The following CHST8 variants were observed in gnomAD, a reference collection of about 807,000 sequenced individuals.
The protein encoded by CHST8 is carbohydrate sulfotransferase 8.
In CHST8, 10 loss-of-function variants were observed where a neutral mutation model predicts 15.0. The observed-to-expected ratio is 0.67, with a 90% CI of 0.41 to 1.13. The LOEUF is 1.13. CHST8 is among the 50% of genes most tolerant of loss of function. The pLI is 0.00. For synonymous variants in CHST8, 259 were observed against 256.6 expected, an observed-to-expected ratio of 1.01 and a Z score of -0.09; for missense variants, 634 against 608.2, an observed-to-expected ratio of 1.04 and a Z score of -0.45.
chr19:33,749,624 TG>T (rs1974376854), intron 3 of CHST8, among the ~76,000 whole-genome samples: 1 of 151,932 alleles, frequency 6.6e-6, no homozygotes, highest in African/African-American at 2.4e-5. Context: ...TCTAAGTCCC[TG>T]GGTGGTCACT....
At chr19:33,746,185 T>C (rs1489578916) in intron 3 of CHST8, among the ~76,000 whole-genome samples, 1 of 152,232 alleles carries the variant, frequency 6.6e-6, no homozygotes, top group African/African-American at 2.4e-5. Context: ...CATGGCACTT[T>C]AGAGTTCTAA....
chr19:33,625,891 G>A (rs1312252297), intron 1 of CHST8, among the ~76,000 whole-genome samples: 1 of 152,100 alleles, frequency 6.6e-6, no homozygotes, highest in African/African-American at 2.4e-5. Flanking sequence ...ATTGAGGTTG[G>A]TGCCTGGATG....
intron 1 of CHST8, among the ~76,000 whole-genome samples, chr19:33,659,151 C>T (rs1385644150): frequency 6.7e-6 from 1 of 149,830 alleles, no homozygotes; most frequent in Non-Finnish European, 1.5e-5. Context: ...CTGTAGCCTC[C>T]GCCTCCCGGG....
At chr19:33,706,243 C>T (rs1223201058) in intron 3 of CHST8, among the ~76,000 whole-genome samples, 8 of 152,174 alleles carry the variant, frequency 5.3e-5, no homozygotes, top group Non-Finnish European at 1.2e-4. Context: ...CGGCACTGCC[C>T]TTCAGACTGT....
chr19:33,650,241 C>T (rs574532007), intron 1 of CHST8, among the ~76,000 whole-genome samples: 1 of 152,034 alleles, frequency 6.6e-6, no homozygotes, highest in Non-Finnish European at 1.5e-5. Context: ...TGGCCAGGAA[C>T]CCAGTTTTTA....
intron 1 of CHST8, among the ~76,000 whole-genome samples, chr19:33,630,045 C>T (rs1248340812): frequency 9.6e-6 from 1 of 104,014 alleles, no homozygotes; most frequent in Non-Finnish European, 2.3e-5. Context: ...TCCCCACCTT[C>T]GAGGCTGCCT....
At chr19:33,679,094 A>G (rs1972850595) in intron 2 of CHST8, among the ~76,000 whole-genome samples, 1 of 152,186 alleles carries the variant, frequency 6.6e-6, no homozygotes, top group African/African-American at 2.4e-5. Context: ...CTCTCCTCAG[A>G]AGTCTATGGA....
chr19:33,764,154 C>T (rs1348550617), intron 3 of CHST8, among the ~76,000 whole-genome samples: 4 of 152,254 alleles, frequency 2.6e-5, no homozygotes, highest in Non-Finnish European at 4.4e-5. Context: ...GGCCAGCTCT[C>T]AGTCCAGAAA....
chr19:33,768,865 T>C (rs918875317), intron 3 of CHST8, among the ~76,000 whole-genome samples: 5 of 152,218 alleles, frequency 3.3e-5, no homozygotes, highest in African/African-American at 1.2e-4. Flanking sequence ...CAGGCTCTAC[T>C]TAAGATGTTA....
intron 1 of CHST8, among the ~76,000 whole-genome samples, chr19:33,642,418 A>C (rs889381039): frequency 2.0e-5 from 3 of 151,706 alleles, no homozygotes; most frequent in African/African-American, 7.3e-5. Flanking sequence ...GCTGGAGCGC[A>C]GTGGCACGAT....
chr19:33,625,821 C>A (rs1972045153), intron 1 of CHST8, among the ~76,000 whole-genome samples: 1 of 152,154 alleles, frequency 6.6e-6, no homozygotes, highest in Admixed American at 6.5e-5. Context: ...GAGATCATGC[C>A]CCTGCACTCC....
At chr19:33,657,293 G>A (rs1972522994) in intron 1 of CHST8, among the ~76,000 whole-genome samples, 2 of 147,300 alleles carry the variant, frequency 1.4e-5, no homozygotes, top group South Asian at 4.3e-4. Context: ...TTTTGAGATG[G>A]ACTCTTGCTC....
At chr19:33,680,453 A>G (rs1013861217) in intron 2 of CHST8, among the ~76,000 whole-genome samples, 5 of 152,320 alleles carry the variant, frequency 3.3e-5, no homozygotes, top group African/African-American at 4.8e-5. Flanking sequence ...TTCAGAGCCA[A>G]TTCTTGTCCC....
chr19:33,691,389 C>A (rs982504123), intron 3 of CHST8, among the ~76,000 whole-genome samples: 1 of 152,208 alleles, frequency 6.6e-6, no homozygotes, highest in Non-Finnish European at 1.5e-5. Context: ...GCAGACTTGA[C>A]GGTCTGGGTA....
intron 2 of CHST8, among the ~76,000 whole-genome samples, chr19:33,671,388 T>G (rs948628252): frequency 6.6e-6 from 1 of 152,186 alleles, no homozygotes; most frequent in Non-Finnish European, 1.5e-5. Flanking sequence ...CCAACCTGTT[T>G]CTGCCTGGCC....
At chr19:33,686,840 T>G (rs1972988972) in intron 2 of CHST8, among the ~76,000 whole-genome samples, 2 of 152,218 alleles carry the variant, frequency 1.3e-5, no homozygotes, top group African/African-American at 4.8e-5. Flanking sequence ...CTGGCCGGCA[T>G]GCACCCGGGC....
chr19:33,698,950 G>A (rs1306624408), intron 3 of CHST8, among the ~76,000 whole-genome samples: 2 of 152,180 alleles, frequency 1.3e-5, no homozygotes, highest in Admixed American at 1.3e-4. Flanking sequence ...AGGGCTATGG[G>A]AGAGCCTTGC....
intron 3 of CHST8, among the ~76,000 whole-genome samples, chr19:33,761,283 G>A (rs969159944): frequency 1.3e-5 from 2 of 152,184 alleles, no homozygotes; most frequent in South Asian, 2.1e-4. Flanking sequence ...CAGGAGGATC[G>A]CTTGAGGCCA....
At chr19:33,702,480 C>A (rs1973359358) in intron 3 of CHST8, among the ~76,000 whole-genome samples, 1 of 152,234 alleles carries the variant, frequency 6.6e-6, no homozygotes, top group Non-Finnish European at 1.5e-5. Flanking sequence ...CAAACCGAAG[C>A]CCCAAGGCTC....
Sources: allele counts gnomAD v4.1 joint callset (sites outside exome capture counted in the v4.1 genomes callset), GRCh38; gene constraint gnomAD v4.1.1; transcripts MANE v1.5; gene names NCBI Gene and HGNC (gene_info 2026-07-23, HGNC 2026-07-21).